The following XRCC4 variants were observed in gnomAD, a reference collection of about 807,000 sequenced individuals.
The protein encoded by XRCC4 is DNA repair protein XRCC4.
In XRCC4, 28 loss-of-function variants were observed where a neutral mutation model predicts 39.1. That is an observed-to-expected ratio of 0.72 (90% confidence interval 0.53 to 0.98). The LOEUF is 0.98. Among genes scored for constraint, XRCC4 ranks in the 50% least tolerant of loss-of-function variants. The probability of loss-of-function intolerance (pLI) is 0.00; values close to 1 mark genes in which losing one functional copy is unlikely to be tolerated. For synonymous variants in XRCC4, 123 were observed against 126.4 expected (o/e 0.97, Z 0.18); for missense variants, 350 against 376.4 (o/e 0.93, Z 0.58).
At chr5:83,248,287 CAATAG>C (rs1304393794) in intron 6 of XRCC4, among the ~76,000 whole-genome samples, 2 of 151,946 alleles carry the variant, frequency 1.3e-5, no homozygotes, top group African/African-American at 4.8e-5. Context: ...GTCTTGAAGG[CAATAG>C]AAAAGGATCT....
chr5:83,082,891 A>T (rs116067619), intron 1 of XRCC4, among the ~76,000 whole-genome samples: 529 of 152,084 alleles, frequency 3.5e-3, no homozygotes, highest in African/African-American at 0.012. Context: ...ATGTCTTTGT[A>T]TTCTCTCTCC....
chr5:83,127,522 C>T (rs754641584), intron 3 of XRCC4, among the ~76,000 whole-genome samples: 4 of 152,116 alleles, frequency 2.6e-5, no homozygotes, highest in East Asian at 1.9e-4. Flanking sequence ...TTCACAGCTA[C>T]GTGGAGCTGT....
chr5:83,126,042 T>C (rs1747247581), intron 3 of XRCC4, among the ~76,000 whole-genome samples: 1 of 151,496 alleles, frequency 6.6e-6, no homozygotes, highest in Non-Finnish European at 1.5e-5. Flanking sequence ...CTTTATTCTT[T>C]TGAAAAATTT....
At chr5:83,361,788 A>G in the XRCC4 span, among the ~76,000 whole-genome samples, 1 of 151,762 alleles carries the variant, frequency 6.6e-6, no homozygotes, top group Admixed American at 6.6e-5. Flanking sequence ...TGCCCAGCTA[A>G]TTTTTGTATT....
chr5:83,308,092 C>T (rs1755551195), intron 7 of XRCC4, among the ~76,000 whole-genome samples: 1 of 152,164 alleles, frequency 6.6e-6, no homozygotes, highest in Non-Finnish European at 1.5e-5. Context: ...GAATGTTCCT[C>T]CTATTGCCTC....
At chr5:83,200,103 T>C (rs1751121487) in intron 4 of XRCC4, among the ~76,000 whole-genome samples, 1 of 152,194 alleles carries the variant, frequency 6.6e-6, no homozygotes, top group African/African-American at 2.4e-5. Context: ...AAGCACGTAA[T>C]GGAATGCATA....
chr5:83,142,268 G>C (rs1313635256), intron 3 of XRCC4, among the ~76,000 whole-genome samples: 1 of 150,610 alleles, frequency 6.6e-6, no homozygotes, highest in African/African-American at 2.5e-5. Context: ...TATCCAGTAG[G>C]TCCTGTTACC....
intron 7 of XRCC4, among the ~76,000 whole-genome samples, chr5:83,305,541 A>G (rs1254850393): frequency 2.0e-5 from 3 of 152,104 alleles, no homozygotes; most frequent in Non-Finnish European, 4.4e-5. Context: ...CACTTCAAAG[A>G]ACTTCTGTTC....
chr5:83,325,863 A>G (rs574869929), intron 7 of XRCC4, among the ~76,000 whole-genome samples: 1 of 152,206 alleles, frequency 6.6e-6, no homozygotes, highest in African/African-American at 2.4e-5. Flanking sequence ...TTCCGGTTCT[A>G]GGTCTTTAAG....
At chr5:83,153,744 A>T (rs2112561657) in intron 3 of XRCC4, among the ~76,000 whole-genome samples, 1 of 152,244 alleles carries the variant, frequency 6.6e-6, no homozygotes, top group East Asian at 1.9e-4. Flanking sequence ...TTTGTGAGTA[A>T]TTTTCATATG....
intron 7 of XRCC4, among the ~76,000 whole-genome samples, chr5:83,270,906 C>T (rs1009254801): frequency 1.8e-4 from 28 of 151,932 alleles, no homozygotes; most frequent in Non-Finnish European, 3.4e-4. Context: ...CTGCCTCAGC[C>T]TCCTAAGTAG....
intron 7 of XRCC4, among the ~76,000 whole-genome samples, chr5:83,274,864 T>A (rs1201355328): frequency 6.6e-6 from 1 of 152,166 alleles, no homozygotes; most frequent in East Asian, 1.9e-4. Context: ...CAAAGTATAA[T>A]GGTAAATTTT....
chr5:83,369,283 G>A, the XRCC4 span, among the ~76,000 whole-genome samples: 1 of 152,112 alleles, frequency 6.6e-6, no homozygotes, highest in Non-Finnish European at 1.5e-5. Context: ...GAGGGCGCAT[G>A]GGCAGGATTG....
chr5:83,357,090 C>A (rs759843785), downstream of XRCC4, among the ~76,000 whole-genome samples: 5 of 152,144 alleles, frequency 3.3e-5, no homozygotes, highest in Admixed American at 3.3e-4. Context: ...AAGTTTGATT[C>A]AACAAATGTT....
chr5:83,090,477 GT>G (rs1204845282), intron 1 of XRCC4, among the ~76,000 whole-genome samples: 1 of 152,026 alleles, frequency 6.6e-6, no homozygotes, highest in South Asian at 2.1e-4. Context: ...CCATTAAACT[GT>G]TTTTTTCCAT....
intron 6 of XRCC4, among the ~76,000 whole-genome samples, chr5:83,218,613 ATGTTT>A (rs1178019742): frequency 1.3e-5 from 2 of 152,086 alleles, no homozygotes; most frequent in Non-Finnish European, 2.9e-5. Flanking sequence ...TTAAAAAACG[ATGTTT>A]TGTTTTGTTT....
intron 7 of XRCC4, among the ~76,000 whole-genome samples, chr5:83,265,756 A>C (rs972423434): frequency 9.2e-5 from 14 of 152,158 alleles, no homozygotes; most frequent in Non-Finnish European, 5.9e-5. Context: ...TAAATGTATC[A>C]TAGGATTGGT....
intron 7 of XRCC4, among the ~76,000 whole-genome samples, chr5:83,299,290 G>A (rs919005497): frequency 2.0e-4 from 30 of 152,086 alleles, no homozygotes; most frequent in East Asian, 3.8e-4. Flanking sequence ...CTCCTTTGGC[G>A]GTAATCCATC....
chr5:83,091,115 A>G (rs1160930750), intron 1 of XRCC4, among the ~76,000 whole-genome samples: 1 of 152,206 alleles, frequency 6.6e-6, no homozygotes, highest in African/African-American at 2.4e-5. Context: ...TATTTCTCAT[A>G]TATAACTGAG....
Sources: allele counts gnomAD v4.1 joint callset (sites outside exome capture counted in the v4.1 genomes callset), GRCh38; gene constraint gnomAD v4.1.1; transcripts MANE v1.5; gene names NCBI Gene and HGNC (gene_info 2026-07-23, HGNC 2026-07-21).